Variants in RAD50 observed in about 807,000 individuals in gnomAD.
The protein encoded by RAD50 is RAD50 double strand break repair protein.
RAD50 carries 132 observed loss-of-function variants against 168.8 expected under a neutral mutation model. The ratio of observed to expected loss-of-function variants is 0.78; its 90% CI spans 0.68 to 0.90. RAD50 has a LOEUF of 0.90. RAD50 is among the 40% of genes least tolerant of loss of function. The probability of loss-of-function intolerance (pLI) is 0.00; values close to 1 mark genes in which losing one functional copy is unlikely to be tolerated. For missense variants in RAD50, 1,347 were observed against 1,534.4 expected (o/e 0.88, Z 2.04); for synonymous variants, 525 against 497.4 (o/e 1.06, Z -0.74).
rs937875134 is a variant in RAD50, at chr5:132,575,789, A to G, written c.226A>G (p.Thr76Ala). ...FVHDPKVAQE[T>A]DVRAQIRLQF... is the part of the protein sequence containing the mutation. ...TTTTCCTTCAAAGGTTGCTCAAGAA[A>G]CAGATGTGAGAGCCCAGATTCGTCT... is the stretch of plus-strand genomic sequence containing the variant. The change falls in exon 3 of 25, where the codon ACA becomes GCA. Residue 76 changes from threonine to alanine, a missense_variant. By Grantham distance (58) the Thr-to-Ala change is moderately conservative. Transcript: ENST00000378823. The G allele has an allele frequency of 1.9e-6, 3 of 1,596,100 alleles. No homozygotes were observed. The highest frequency in any genetic ancestry group is 2.6e-6 in the Non-Finnish European group (3 of 1,163,710).
chr5:132,635,738 A>G (rs1031963535), intron 21 of RAD50, among the ~76,000 whole-genome samples: 1 of 152,206 alleles, frequency 6.6e-6, no homozygotes, highest in Non-Finnish European at 1.5e-5. Context: ...CATTTGAAAA[A>G]TCAGGATCAT....
intron 21 of RAD50, among the ~76,000 whole-genome samples, chr5:132,633,362 C>T (rs182670081): frequency 9.9e-5 from 15 of 152,136 alleles, no homozygotes; most frequent in African/African-American, 3.4e-4. Context: ...GCCTTGGCCT[C>T]CTAAAGTGTT....
rs1436912972 is a variant in RAD50 at position 132,637,111 on chromosome 5, C to A, written c.3390-4C>A. The A allele has an allele frequency of 6.2e-7, 1 of 1,604,632 alleles. No homozygotes were observed. Among genetic ancestry groups the A allele is most frequent in the Non-Finnish European group, 8.5e-7 (1 of 1,174,626 alleles). On this transcript the variant is annotated splice_region_variant and splice_polypyrimidine_tract_variant and intron_variant, in intron 21 of 24. Coordinates refer to ENST00000378823, the MANE Select transcript of RAD50 (RefSeq NM_005732.4). ...TATGAAGTACCAATGACTTCCTTTT[C>A]CAGAGCAATAATGAAATTTCACAGT...
At chr5:132,591,461 C>T (rs1750699403) in intron 10 of RAD50, 55 bp downstream of exon 10, 1 of 1,516,896 alleles carries the variant, frequency 6.6e-7, no homozygotes, top group African/African-American at 1.4e-5. Flanking sequence ...AATAGCCTAC[C>T]TTGCACTCAT....
chr5:132,637,405 A>G (rs1055441928), intron 22 of RAD50, among the ~76,000 whole-genome samples: 15 of 152,150 alleles, frequency 9.9e-5, no homozygotes, highest in African/African-American at 3.4e-4. Flanking sequence ...GGACTTACAT[A>G]TTTGACTGCA....
intron 21 of RAD50, among the ~76,000 whole-genome samples, chr5:132,632,882 C>G (rs1390158817): frequency 6.6e-6 from 1 of 152,142 alleles, no homozygotes; most frequent in African/African-American, 2.4e-5. Context: ...ACATTTCCCT[C>G]TTTACTAGTG....
chr5:132,579,282 A>G, intron 3 of RAD50, 35 bp from the exon 4 acceptor site: 1 of 1,590,156 alleles, frequency 6.3e-7, no homozygotes, highest in Non-Finnish European at 8.6e-7. Context: ...ACTGAAGGTT[A>G]TTTTACATAT....
Position 132,645,270 on chromosome 5 carries a change from G to A in RAD50, c.*2906G>A, listed in dbSNP as rs1327092828. 2.0e-5 allele frequency: 3 copies of A among 152,138 alleles called. No individual in the cohort carries two copies. Among genetic ancestry groups the A allele is most frequent in the African/African-American group, 4.8e-5 (2 of 41,402 alleles). The allele number at this position is 152,138 out of a possible 1,614,324, so 9.4% of individuals were successfully genotyped here. On this transcript the variant is annotated 3_prime_UTR_variant, in exon 25 of 25. Transcript: ENST00000378823. The stretch of plus-strand genomic sequence containing the variant: ...CTTTTTCACAGGTTGTTTCCCTGAT[G>A]CCTGTACTTCTCTCCTTATTCAACT...
At chr5:132,637,424 T>C (rs952086011) in intron 22 of RAD50, among the ~76,000 whole-genome samples, 6 of 152,226 alleles carry the variant, frequency 3.9e-5, no homozygotes, top group African/African-American at 1.4e-4. Context: ...CAGTAGGCAT[T>C]ATATTTAGCT....
chr5:132,594,527 C>T (rs752425751), intron 11 of RAD50, among the ~76,000 whole-genome samples: 5 of 152,128 alleles, frequency 3.3e-5, no homozygotes, highest in East Asian at 3.8e-4. Context: ...AAGGGAATTA[C>T]GGGGATGTTC....
In RAD50 at chr5:132,609,043, A is replaced by G. The variant is rs928043740; in HGVS notation, c.2830-74A>G. ...ACCCAATGTTCATAACTTCCCAGCC[A>G]GTGTTTTACTGTGCTCTCCTGTTAT... On this transcript the variant is annotated intron_variant, in intron 17 of 24. Transcript: ENST00000378823. 6 of 1,568,370 alleles carry G rather than the reference A, an allele frequency of 3.8e-6. No homozygotes were observed. In the African/African-American group the frequency reaches 8.2e-5, roughly 21 times the overall value.
chr5:132,631,142 A>G (rs1434888693), intron 21 of RAD50, among the ~76,000 whole-genome samples: 7 of 140,224 alleles, frequency 5.0e-5, no homozygotes, highest in Non-Finnish European at 1.1e-4. Context: ...TTTTTTTAAG[A>G]CAGAGTCTGG....
chr5:132,592,803 C>T (rs1371447075), intron 11 of RAD50: 1 of 470,824 alleles, frequency 2.1e-6, no homozygotes, highest in Admixed American at 2.3e-5. Flanking sequence ...CCTCCTGTTA[C>T]AATTCTTTGA....
chr5:132,619,841 T>TATATATAAAG (rs1561651672), intron 21 of RAD50, among the ~76,000 whole-genome samples: 2 of 127,346 alleles, frequency 1.6e-5, no homozygotes, highest in South Asian at 2.7e-4. Flanking sequence ...TCTCTCTATA[T>TATATATAAAG]ATATATATAT....
intron 21 of RAD50, among the ~76,000 whole-genome samples, chr5:132,628,088 TC>T: frequency 6.6e-6 from 1 of 152,114 alleles, no homozygotes; most frequent in East Asian, 1.9e-4. Context: ...GGAGAGAAAA[TC>T]AGTAGTTCCG....
chr5:132,589,530 C>G, intron 8 of RAD50, 101 bp from the exon 9 acceptor site: 2 of 954,542 alleles, frequency 2.1e-6, no homozygotes, highest in Non-Finnish European at 3.1e-6. Flanking sequence ...CACGACTGTA[C>G]TTTTTTGTAT....
At chr5:132,572,052 G>A (rs982471862) in intron 2 of RAD50, among the ~76,000 whole-genome samples, 33 of 151,980 alleles carry the variant, frequency 2.2e-4, no homozygotes, top group African/African-American at 7.7e-4. Context: ...GGACGTACTG[G>A]GACAAGTGAA....
At chr5:132,628,716 C>A (rs1326776980) in intron 21 of RAD50, among the ~76,000 whole-genome samples, 1 of 151,892 alleles carries the variant, frequency 6.6e-6, no homozygotes, top group East Asian at 1.9e-4. Flanking sequence ...CCTGGTGGTG[C>A]CTAGCCTGTA....
intron 2 of RAD50, among the ~76,000 whole-genome samples, chr5:132,559,869 G>T (rs1349030687): frequency 6.6e-6 from 1 of 152,122 alleles, no homozygotes; most frequent in Non-Finnish European, 1.5e-5. Context: ...CTTCAGCCCA[G>T]GAGTTCAAGG....
Sources: allele counts gnomAD v4.1 joint callset (sites outside exome capture counted in the v4.1 genomes callset), GRCh38; gene constraint gnomAD v4.1.1; transcripts MANE v1.5; gene names NCBI Gene and HGNC (gene_info 2026-07-23, HGNC 2026-07-21).